ARHGAP40: variants seen among roughly 807,000 people sequenced by gnomAD.
The protein encoded by ARHGAP40 is Rho GTPase activating protein 40.
In ARHGAP40, 43 loss-of-function variants were observed where a neutral mutation model predicts 73.5. The ratio of observed to expected loss-of-function variants is 0.58; its 90% confidence interval spans 0.46 to 0.75. ARHGAP40 has a LOEUF of 0.75. ARHGAP40 is among the 30% of genes least tolerant of loss of function. The pLI is 0.00. For missense variants in ARHGAP40, 734 were observed against 861.8 expected, an observed-to-expected ratio of 0.85 and a Z score of 1.86; for synonymous variants, 300 against 352.8, an observed-to-expected ratio of 0.85 and a Z score of 1.68.
chr20:38,630,609 AC>A (rs1432767833), intron 5 of ARHGAP40, among the ~76,000 whole-genome samples: 1 of 152,164 alleles, frequency 6.6e-6, no homozygotes, highest in Non-Finnish European at 1.5e-5. Context: ...TAAAGATTGA[AC>A]TATAACTCGC....
At chr20:38,632,110 T>G (rs1189340718) in intron 5 of ARHGAP40, among the ~76,000 whole-genome samples, 2 of 151,262 alleles carry the variant, frequency 1.3e-5, no homozygotes, top group Non-Finnish European at 2.9e-5. Flanking sequence ...ACTACAGGCA[T>G]GTGCTACCAC....
At chr20:38,629,156 A>AG (rs905158105) in intron 4 of ARHGAP40, among the ~76,000 whole-genome samples, 154 bp downstream of exon 4, 1 of 152,176 alleles carries the variant, frequency 6.6e-6, no homozygotes, top group African/African-American at 2.4e-5. Flanking sequence ...AGGAGCCCTG[A>AG]GGGGACAGGT....
Position 38,641,820 on chromosome 20 carries a change from C to T in ARHGAP40, c.1362+12C>T. 1 of 1,277,754 alleles carries T rather than the reference C, an allele frequency of 7.8e-7. No individual in the cohort carries two copies. The highest frequency in any genetic ancestry group is 1.0e-6 in the Non-Finnish European group (1 of 977,962). The allele number at this position is 1,277,754 out of a possible 1,614,324, so 79.2% of individuals were successfully genotyped here. ...GAAATGCCTTAAAGGTAAGAGTTAC[C>T]ATGCACCACCACCACTCTGCCATCT... is the stretch of plus-strand genomic sequence containing the variant. On this transcript the variant is annotated intron_variant, in intron 10 of 14. Transcript: ENST00000373345.
chr20:38,634,550 G>A, intron 5 of ARHGAP40, 70 bp from the exon 6 acceptor site: 4 of 1,269,980 alleles, frequency 3.1e-6, no homozygotes, highest in Non-Finnish European at 4.2e-6. Flanking sequence ...CTGGGGAGAA[G>A]GGGGAGCCCC....
chr20:38,621,442 G>T (rs769598225), intron 1 of ARHGAP40, among the ~76,000 whole-genome samples: 2 of 152,216 alleles, frequency 1.3e-5, no homozygotes, highest in Non-Finnish European at 1.5e-5. Context: ...CTTCCTGTGA[G>T]CATCCAGCTC....
intron 2 of ARHGAP40, among the ~76,000 whole-genome samples, chr20:38,626,249 G>C (rs1429068631): frequency 6.6e-6 from 1 of 152,202 alleles, no homozygotes; most frequent in Non-Finnish European, 1.5e-5. Context: ...GGGTACAACT[G>C]TACACCCCAC....
chr20:38,606,327 T>C lies in ARHGAP40; in HGVS notation c.137+4248T>C, dbSNP rs929537104. Among the ~76,000 whole-genome samples the C allele has an allele frequency of 2.6e-5, 4 of 152,248 alleles. No individual in the cohort carries two copies. In the East Asian group the frequency reaches 7.7e-4, roughly 29 times the overall value. The stretch of plus-strand genomic sequence containing the variant: ...TTGGACATATATCTTTGTGTACTTA[T>C]GATACATTTTCAGAATAGGAATCAT... On this transcript the variant is annotated intron_variant, in intron 1 of 14. Transcript: ENST00000373345.
chr20:38,639,263 G>A (rs764303446), exon 9 of ARHGAP40: 5 of 1,305,458 alleles, frequency 3.8e-6, no homozygotes, highest in Non-Finnish European at 5.1e-6. Context: ...CTTCTATGCT[G>A]GCCTTTTTAG....
rs1362737211 is a variant in ARHGAP40, at chr20:38,623,588, G to C, written c.337+30G>C. ...GAGACCCTGGCGGGGGCCTATAGGGGTGGTGGGAGGGCTTGATTCCAGGCA... is the reference window on the plus strand; with the variant it reads ...GAGACCCTGGCGGGGGCCTATAGGGCTGGTGGGAGGGCTTGATTCCAGGCA... On this transcript the variant is annotated intron_variant, in intron 2 of 14. Coordinates refer to ENST00000373345, the Ensembl canonical transcript of ARHGAP40. The C allele has an allele frequency of 2.4e-6, 3 of 1,259,712 alleles. No homozygotes were observed. In the Admixed American group the frequency reaches 7.5e-5, roughly 32 times the overall value. The allele number at this position is 1,259,712 out of a possible 1,614,324, so 78.0% of individuals were successfully genotyped here.
rs777658299 is a variant in ARHGAP40, at chr20:38,646,140, C to A, written c.1663C>A (p.Arg555=). 4.6e-6 allele frequency: 6 copies of A among 1,303,900 alleles called. No individual in the cohort carries two copies. In the African/African-American group the frequency reaches 9.1e-5, roughly 20 times the overall value. 80.8% of individuals were successfully genotyped at this position (1,303,900 alleles called of 1,614,324 possible). Residue 555 remains arginine, a synonymous_variant, in exon 12 of 15, where the codon CGG becomes AGG. Transcript: ENST00000373345. This position sits in a 1 kb window ranked among gnomAD's most constrained non-coding sequence, Gnocchi z 4.5. ...CGACGCAGGCCTCAAGACTTGGCTG[C>A]GGAGGATGCACGCAGACAGGGACAA...
At chr20:38,617,252 G>A (rs903096698) in intron 1 of ARHGAP40, among the ~76,000 whole-genome samples, 4 of 152,166 alleles carry the variant, frequency 2.6e-5, no homozygotes, top group East Asian at 3.9e-4. Flanking sequence ...GCTGGCTTTC[G>A]GCTTCCCTGA....
chr20:38,602,636 A>G (rs1351862126), intron 1 of ARHGAP40, among the ~76,000 whole-genome samples: 1 of 152,258 alleles, frequency 6.6e-6, no homozygotes, highest in Non-Finnish European at 1.5e-5. Flanking sequence ...AATACTGTAC[A>G]GGAATACATA....
At chr20:38,643,422 C>T (rs2089031484) in intron 10 of ARHGAP40, among the ~76,000 whole-genome samples, 1 of 152,202 alleles carries the variant, frequency 6.6e-6, no homozygotes, top group Non-Finnish European at 1.5e-5. Context: ...ACCTGTGGCC[C>T]TTTTCTACCT....
chr20:38,623,348 A>G lies in ARHGAP40; in HGVS notation c.138-11A>G, dbSNP rs1273579285. The G allele has an allele frequency of 7.0e-6, 9 of 1,282,406 alleles. No homozygotes were observed. Among genetic ancestry groups the G allele is most frequent in the Non-Finnish European group, 9.1e-6 (9 of 984,296 alleles). 79.4% of individuals were successfully genotyped at this position (1,282,406 alleles called of 1,614,324 possible). On this transcript the variant is annotated splice_polypyrimidine_tract_variant and intron_variant, in intron 1 of 14. Transcript: ENST00000373345. ...TTGCTGACCTCCCTGCACCTTCCCC[A>G]CTTGCTACAGCTCTGGCCCCTCCTC...
chr20:38,614,998 TC>T, intron 1 of ARHGAP40: 1 of 1,202,364 alleles, frequency 8.3e-7, no homozygotes, highest in Non-Finnish European at 1.2e-6. Context: ...GTGAGGAAAG[TC>T]CCGCTGGGGT....
chr20:38,647,266 C>A, intron 13 of ARHGAP40, 140 bp downstream of exon 13: 2 of 602,606 alleles, frequency 3.3e-6, no homozygotes, highest in Non-Finnish European at 4.9e-6. Context: ...ATGGGTTCTC[C>A]AATCTTAGAG....
At chr20:38,649,638 G>A in intron 14 of ARHGAP40, 119 bp from the exon 15 acceptor site, 1 of 506,996 alleles carries the variant, frequency 2.0e-6, no homozygotes, top group Non-Finnish European at 3.5e-6. Flanking sequence ...GCTGTGAGCT[G>A]TAGCAGTCAA....
chr20:38,648,736 T>G, intron 14 of ARHGAP40, 38 bp downstream of exon 14: 71 of 1,281,694 alleles, frequency 5.5e-5, no homozygotes, highest in Non-Finnish European at 6.3e-5. Flanking sequence ...AGAGCCCGGG[T>G]CCCTGGGAGT....
At chr20:38,647,188 G>A in intron 13 of ARHGAP40, 62 bp downstream of exon 13, 1 of 1,246,182 alleles carries the variant, frequency 8.0e-7, no homozygotes, top group Non-Finnish European at 1.0e-6. Flanking sequence ...GCACCCCAGA[G>A]CTGAAGGCCA....
Sources: gnomAD v4.1 joint callset for allele counts (sites outside exome capture counted in the v4.1 genomes callset) on GRCh38, gnomAD v4.1.1 for gene constraint, Gnocchi (gnomAD v3.1) non-coding constraint, MANE v1.5 for transcripts, NCBI Gene and HGNC (gene_info 2026-07-23, HGNC 2026-07-21) for gene names.